SP6: variants seen among roughly 807,000 people sequenced by gnomAD.
The protein encoded by SP6 is transcription factor Sp6.
A neutral mutation model predicts 23.4 loss-of-function variants in SP6; 10 were observed. The ratio of observed to expected loss-of-function variants is 0.43; its 90% CI spans 0.26 to 0.72. The LOEUF is 0.72. SP6 is among the 30% of genes least tolerant of loss of function. The probability of loss-of-function intolerance (pLI) is 0.23; values close to 1 mark genes in which losing one functional copy is unlikely to be tolerated. For missense variants in SP6, 482 were observed against 523.8 expected (o/e 0.92, Z 0.78); for synonymous variants, 238 against 238.7 (o/e 1.00, Z 0.03).
chr17:47,854,038 AC>A (rs548592985), upstream of SP6, among the ~76,000 whole-genome samples: 57 of 152,306 alleles, frequency 3.7e-4, no homozygotes, highest in African/African-American at 1.3e-3. Flanking sequence ...AAATTGAACA[AC>A]ACAGCCCATC....
At chr17:47,856,703 G>A (rs1008410408), upstream of SP6, among the ~76,000 whole-genome samples, 1 of 152,256 alleles carries the variant, frequency 6.6e-6, no homozygotes, top group African/African-American at 2.4e-5. Flanking sequence ...CACTGAAGCT[G>A]TGAACTCTGA....
In SP6 at chr17:47,846,251, C is replaced by T. The variant is rs1452763179; in HGVS notation, c.*1048G>A. The T allele has an allele frequency of 6.6e-6, 1 of 152,194 alleles. No individual in the cohort carries two copies. The highest frequency in any genetic ancestry group is 1.9e-4 in the East Asian group (1 of 5,184). 9.4% of individuals were successfully genotyped at this position (152,194 alleles called of 1,614,324 possible). ...ACAGCTAAAGAGATGGTCAGGTAGG[C>T]TGCAGGCCTCCACTCTGAGTGGGAA... On this transcript the variant is annotated 3_prime_UTR_variant, in exon 2 of 2. Transcript: ENST00000536300.
upstream of SP6, among the ~76,000 whole-genome samples, chr17:47,860,719 AAAATAAATAAATAAATAAAT>A (rs71141936): frequency 2.7e-5 from 4 of 148,822 alleles, no homozygotes; most frequent in Admixed American, 6.7e-5. Flanking sequence ...AAAAAAAGTT[AAAATAAATAAATAAATAAAT>A]AAATAAATAA....
the SP6 span, among the ~76,000 whole-genome samples, chr17:47,862,076 T>C: frequency 6.8e-6 from 1 of 147,398 alleles, no homozygotes; most frequent in Non-Finnish European, 1.5e-5. Flanking sequence ...GGCATGGTGG[T>C]GGCTCATGCC....
chr17:47,857,629 C>G (rs2143664475), upstream of SP6, among the ~76,000 whole-genome samples: 1 of 152,248 alleles, frequency 6.6e-6, no homozygotes, highest in African/African-American at 2.4e-5. Flanking sequence ...TGAACACAGC[C>G]AGCACCCTAC....
upstream of SP6, among the ~76,000 whole-genome samples, chr17:47,859,717 C>A (rs1206830777): frequency 6.6e-6 from 1 of 152,148 alleles, no homozygotes; most frequent in Non-Finnish European, 1.5e-5. Flanking sequence ...TCCTACTGTC[C>A]CCCTGGCTGG....
chr17:47,847,296 A>G lies in SP6; in HGVS notation c.*3T>C. ...TACCCGCAGGGAGGCGGCACTGAGG[A>G]GCTCAGTTGGAGGGAGCCACGCTGC... On this transcript the variant is annotated 3_prime_UTR_variant, in exon 2 of 2. Transcript: ENST00000536300. 2 of 1,528,532 alleles carry G rather than the reference A, an allele frequency of 1.3e-6. No homozygotes were observed. Among genetic ancestry groups the G allele is most frequent in the Non-Finnish European group, 1.8e-6 (2 of 1,135,364 alleles). 94.7% of individuals were successfully genotyped at this position (1,528,532 alleles called of 1,614,324 possible).
rs978175413 is a variant in SP6, at chr17:47,848,311, G to A, written c.119C>T (p.Ala40Val). 6.2e-7 allele frequency: 1 copy of A among 1,611,562 alleles called. No individual in the cohort carries two copies. Among genetic ancestry groups the A allele is most frequent in the Non-Finnish European group, 8.5e-7 (1 of 1,179,048 alleles). ...QTYQGHTSPEAGDYPSPLQPG... is the reference protein window; with the variant it reads ...QTYQGHTSPEVGDYPSPLQPG... ...CTGCAGCGGGGAGGGGTAGTCCCCG[G>A]CCTCAGGGCTCGTGTGGCCCTGGTA... is the stretch of plus-strand genomic sequence containing the variant. Residue 40 changes from alanine (A) to valine (V), a missense_variant, in exon 2 of 2, where the codon GCC (alanine) becomes GTC (valine). This residue lies in a region of SP6 where 330 missense variants were observed against 332.3 expected (regional missense o/e 0.99). Transcript: ENST00000536300. This position sits in a 1 kb window ranked among gnomAD's most constrained non-coding sequence, Gnocchi z 5.3.
chr17:47,872,805 GAGCCGT>G, the SP6 span, among the ~76,000 whole-genome samples: 14,492 of 152,138 alleles, frequency 0.095, 1,173 homozygotes, highest in East Asian at 0.27. Context: ...TGGGAAGGCA[GAGCCGT>G]AGGAGGCCCC....
upstream of SP6, among the ~76,000 whole-genome samples, chr17:47,860,659 T>C (rs1311626197): frequency 6.7e-6 from 1 of 148,408 alleles, no homozygotes; most frequent in African/African-American, 2.5e-5. Flanking sequence ...AGGCCAGGAG[T>C]TGCAAACCAG....
the SP6 span, among the ~76,000 whole-genome samples, chr17:47,861,585 T>G: frequency 1.3e-5 from 2 of 151,990 alleles, no homozygotes; most frequent in Admixed American, 1.3e-4. Flanking sequence ...ATACAAAAAT[T>G]AGCCAGGCAT....
chr17:47,859,287 T>C (rs935806028), upstream of SP6, among the ~76,000 whole-genome samples: 1 of 152,190 alleles, frequency 6.6e-6, no homozygotes, highest in East Asian at 1.9e-4. Context: ...GTCGAAATCA[T>C]TTCCACCCCT....
chr17:47,858,291 T>C (rs2034012664), upstream of SP6, among the ~76,000 whole-genome samples: 1 of 152,102 alleles, frequency 6.6e-6, no homozygotes, highest in African/African-American at 2.4e-5. Flanking sequence ...AACTTCCCTT[T>C]TCCCACCCAC....
chr17:47,873,680 G>C, the SP6 span, among the ~76,000 whole-genome samples: 1 of 152,192 alleles, frequency 6.6e-6, no homozygotes, highest in Admixed American at 6.5e-5. Flanking sequence ...CCGCATTGCT[G>C]CCAAGGGTCC....
the SP6 span, among the ~76,000 whole-genome samples, chr17:47,873,860 C>G: frequency 1.4e-5 from 2 of 143,802 alleles, no homozygotes; most frequent in East Asian, 4.0e-4. Context: ...CCTCCTCCTC[C>G]TCTTCTTCTT....
At chr17:47,864,715 C>T in the SP6 span, 5 of 152,276 alleles carry the variant, frequency 3.3e-5, no homozygotes, top group Admixed American at 6.5e-5. Context: ...ACAGGAAAGC[C>T]CCCCAGCCTC....
At chr17:47,863,138 G>A in the SP6 span, among the ~76,000 whole-genome samples, 18 of 152,390 alleles carry the variant, frequency 1.2e-4, no homozygotes, top group South Asian at 8.3e-4. Flanking sequence ...GGCAGGAAAG[G>A]AGGATGGGAT....
the SP6 span, among the ~76,000 whole-genome samples, chr17:47,861,151 C>T: frequency 2.6e-5 from 4 of 152,302 alleles, no homozygotes; most frequent in East Asian, 7.7e-4. Flanking sequence ...GAGGGGTTGG[C>T]TCTGACTGCC....
chr17:47,855,331 A>T (rs1046635636), upstream of SP6, among the ~76,000 whole-genome samples: 1 of 152,158 alleles, frequency 6.6e-6, no homozygotes, highest in South Asian at 2.1e-4. Flanking sequence ...CTATCCTTGC[A>T]GGTGTTCTGT....
Sources: allele counts gnomAD v4.1 joint callset (sites outside exome capture counted in the v4.1 genomes callset), GRCh38; gene constraint gnomAD v4.1.1; regional missense constraint gnomAD v4.1.1; non-coding constraint Gnocchi (gnomAD v3.1); transcripts MANE v1.5; gene names NCBI Gene and HGNC (gene_info 2026-07-23, HGNC 2026-07-21).